ARL5B: variants seen among roughly 807,000 people sequenced by gnomAD.
ARL5B encodes the protein ARF like GTPase 5B.
Under a neutral mutation model 26.9 loss-of-function variants are expected in ARL5B, and 10 were observed. That is an observed-to-expected ratio of 0.37 (90% CI 0.23 to 0.63). The LOEUF (loss-of-function observed/expected upper bound fraction) is 0.63, where lower values mean the gene tolerates loss of function less well. Among genes scored for constraint, ARL5B ranks in the 30% least tolerant of loss-of-function variants. ARL5B has a pLI of 0.62. For synonymous variants in ARL5B, 87 were observed against 70.4 expected, an observed-to-expected ratio of 1.24 and a Z score of -1.18; for missense variants, 167 against 213.9, an observed-to-expected ratio of 0.78 and a Z score of 1.37.
chr10:18,664,413 A>G (rs1473924956), intron 1 of ARL5B, among the ~76,000 whole-genome samples: 1 of 137,694 alleles, frequency 7.3e-6, no homozygotes, highest in Admixed American at 7.3e-5. Context: ...ACTGTAACTG[A>G]TAGTAACAGT....
rs1401908824 is a variant in ARL5B, at chr10:18,679,666, A to C, written c.*4450A>C. On this transcript the variant is annotated 3_prime_UTR_variant, in exon 6 of 6. Coordinates refer to ENST00000377275, the MANE Select transcript of ARL5B (RefSeq NM_178815.5). ...AGCAGAAAAAAAAATTGTGCCCCTCAGACCTAAAGGCAGCTTTAAATGTAT... is the reference window on the plus strand; with the variant it reads ...AGCAGAAAAAAAAATTGTGCCCCTCCGACCTAAAGGCAGCTTTAAATGTAT... 1 of 151,984 alleles carries C rather than the reference A, an allele frequency of 6.6e-6. No individual in the cohort carries two copies. The highest frequency in any genetic ancestry group is 2.4e-5 in the African/African-American group (1 of 41,432). The allele number at this position is 151,984 out of a possible 1,614,324, so 9.4% of individuals were successfully genotyped here.
chr10:18,659,713 G>C (rs540737636), intron 1 of ARL5B, 30 bp downstream of exon 1: 13 of 1,604,880 alleles, frequency 8.1e-6, no homozygotes, highest in South Asian at 5.6e-5. Context: ...GCGGCGGCTC[G>C]AATCCGAGGC....
chr10:18,665,764 AG>A (rs2059858748), intron 1 of ARL5B, among the ~76,000 whole-genome samples: 1 of 152,236 alleles, frequency 6.6e-6, no homozygotes, highest in Non-Finnish European at 1.5e-5. Flanking sequence ...GCCTTGGAGA[AG>A]GGGATCTTTA....
rs2059923954 is a variant in ARL5B at position 18,679,522 on chromosome 10, A to G, written c.*4306A>G. Reference sequence around the variant, plus strand: ...TTATTCATTCACTTTTACTGTGAAGACTGAAATCCAAAAGCCAGGTTCCCC... The same window carrying G: ...TTATTCATTCACTTTTACTGTGAAGGCTGAAATCCAAAAGCCAGGTTCCCC... On this transcript the variant is annotated 3_prime_UTR_variant, in exon 6 of 6. Transcript: ENST00000377275. 1 of 151,912 alleles carries G rather than the reference A, an allele frequency of 6.6e-6. No homozygotes were observed. The highest frequency in any genetic ancestry group is 2.1e-4 in the South Asian group (1 of 4,828). The allele number at this position is 151,912 out of a possible 1,614,324, so 9.4% of individuals were successfully genotyped here.
chr10:18,667,539 T>A (rs2059866800), intron 2 of ARL5B, among the ~76,000 whole-genome samples: 1 of 152,162 alleles, frequency 6.6e-6, no homozygotes, highest in Non-Finnish European at 1.5e-5. Flanking sequence ...ATTTTACACA[T>A]GGCTTCAAAA....
At chr10:18,661,561 C>T (rs1413491810) in intron 1 of ARL5B, among the ~76,000 whole-genome samples, 1 of 152,120 alleles carries the variant, frequency 6.6e-6, no homozygotes, top group Non-Finnish European at 1.5e-5. Flanking sequence ...ATAGGCCAGT[C>T]TTCAGAGTTT....
Position 18,676,768 on chromosome 10 carries a change from T to G in ARL5B, c.*1552T>G, listed in dbSNP as rs143309507. ...GCTCTTTTTTCAGGTGTGCTTGGTT[T>G]ATTATATTTAGTCAAGTTAATTTAG... On this transcript the variant is annotated 3_prime_UTR_variant, in exon 6 of 6. Coordinates refer to ENST00000377275, the MANE Select transcript of ARL5B (RefSeq NM_178815.5). The G allele has an allele frequency of 3.3e-5, 5 of 152,122 alleles. No individual in the cohort carries two copies. In the East Asian group the frequency reaches 9.6e-4, roughly 29 times the overall value. 9.4% of individuals were successfully genotyped at this position (152,122 alleles called of 1,614,324 possible). A position where few individuals can be genotyped will look rare whatever the true frequency, so the allele number is the denominator to read the frequency against.
chr10:18,671,334 G>C (rs1022245119), intron 3 of ARL5B, among the ~76,000 whole-genome samples: 2 of 151,956 alleles, frequency 1.3e-5, no homozygotes, highest in Non-Finnish European at 2.9e-5. Context: ...ACCACACCTG[G>C]CTGATTTTTG....
intron 4 of ARL5B, among the ~76,000 whole-genome samples, chr10:18,673,236 A>G (rs2059895857): frequency 6.6e-6 from 1 of 151,514 alleles, no homozygotes; most frequent in East Asian, 1.9e-4. Flanking sequence ...TAATTTTTGT[A>G]TTTTTAGTAG....
intron 1 of ARL5B, among the ~76,000 whole-genome samples, chr10:18,662,927 TCCTGA>T (rs1475821731): frequency 2.0e-5 from 3 of 152,240 alleles, no homozygotes; most frequent in African/African-American, 7.2e-5. Context: ...GGTTTTGAAC[TCCTGA>T]CCTCAGGTAA....
rs370543134 is a variant in ARL5B, at chr10:18,660,974, A to G, written c.46+1291A>G. Among the ~76,000 whole-genome samples the G allele has an allele frequency of 3.9e-5, 6 of 152,166 alleles. No homozygotes were observed. The East Asian group carries it at 1.2e-3, about 29-fold the overall frequency. The stretch of plus-strand genomic sequence containing the variant: ...GCGATTCTTGTTCCTCAGCCTCCCG[A>G]GTAACTGGTATTTACAGGCACCCGC... On this transcript the variant is annotated intron_variant, in intron 1 of 5. Coordinates refer to ENST00000377275, the MANE Select transcript of ARL5B (RefSeq NM_178815.5).
chr10:18,665,429 G>C (rs2059857064), intron 1 of ARL5B, among the ~76,000 whole-genome samples: 1 of 152,174 alleles, frequency 6.6e-6, no homozygotes, highest in African/African-American at 2.4e-5. Context: ...AGCCCTTCCA[G>C]AGGACCGTGT....
intron 1 of ARL5B, 97 bp downstream of exon 1, chr10:18,659,780 G>T (rs2059819321): frequency 6.4e-7 from 1 of 1,556,974 alleles, no homozygotes. Context: ...GTTCGGAGAC[G>T]CGGAGGAGGA....
intron 5 of ARL5B, among the ~76,000 whole-genome samples, chr10:18,674,362 A>T (rs1434862889): frequency 6.6e-6 from 1 of 152,232 alleles, no homozygotes; most frequent in African/African-American, 2.4e-5. Flanking sequence ...AAAAAGCAAT[A>T]AACTATTGAA....
intron 1 of ARL5B, among the ~76,000 whole-genome samples, chr10:18,660,283 C>T (rs539505586): frequency 6.6e-6 from 1 of 152,020 alleles, no homozygotes; most frequent in East Asian, 1.9e-4. Context: ...TAAGACGTTA[C>T]GTGTCCGTAA....
At chr10:18,659,861 C>T (rs1361866939) in intron 1 of ARL5B, 178 bp downstream of exon 1, 22 of 985,116 alleles carry the variant, frequency 2.2e-5, no homozygotes, top group Non-Finnish European at 2.5e-5. Context: ...AGAGACCTGA[C>T]GTGTGGGAGA....
chr10:18,661,234 C>G (rs528328169), intron 1 of ARL5B, among the ~76,000 whole-genome samples: 3 of 152,196 alleles, frequency 2.0e-5, no homozygotes, highest in Non-Finnish European at 2.9e-5. Flanking sequence ...GCTGGAGAAT[C>G]GAAACGTTAC....
intron 3 of ARL5B, among the ~76,000 whole-genome samples, chr10:18,668,996 C>T (rs2059874718): frequency 6.6e-6 from 1 of 152,020 alleles, no homozygotes; most frequent in Non-Finnish European, 1.5e-5. Flanking sequence ...GTCTTGAATT[C>T]GGGACCTCGT....
chr10:18,673,397 A>G (rs914736502), intron 4 of ARL5B, among the ~76,000 whole-genome samples: 3 of 152,064 alleles, frequency 2.0e-5, no homozygotes, highest in African/African-American at 4.8e-5. Flanking sequence ...TATATAATAT[A>G]TATCTTTCTG....
Sources: gnomAD v4.1 joint callset for allele counts (sites outside exome capture counted in the v4.1 genomes callset) on GRCh38, gnomAD v4.1.1 for gene constraint, MANE v1.5 for transcripts, NCBI Gene and HGNC (gene_info 2026-07-23, HGNC 2026-07-21) for gene names.